Variants in DRC8 observed in about 807,000 individuals in gnomAD.
DRC8 encodes dynein regulatory complex subunit 8, also known as dynein regulatory complex protein 8.
chr1:245,067,261 G>A, the DRC8 span, among the ~76,000 whole-genome samples: 3 of 152,180 alleles, frequency 2.0e-5, no homozygotes, highest in African/African-American at 7.2e-5. Context: ...TGAGTAGCTG[G>A]GATTACAGGT....
chr1:245,023,665 T>A, the DRC8 span, among the ~76,000 whole-genome samples: 1 of 152,214 alleles, frequency 6.6e-6, no homozygotes, highest in African/African-American at 2.4e-5. Flanking sequence ...ATTAGTAATA[T>A]TGAACATCTT....
At chr1:245,105,000 T>C in the DRC8 span, among the ~76,000 whole-genome samples, 1 of 152,260 alleles carries the variant, frequency 6.6e-6, no homozygotes, top group African/African-American at 2.4e-5. Context: ...TCCTGTAGAA[T>C]TGTCCGCACG....
At chr1:245,062,930 G>C in the DRC8 span, among the ~76,000 whole-genome samples, 2 of 152,156 alleles carry the variant, frequency 1.3e-5, no homozygotes, top group African/African-American at 4.8e-5. Flanking sequence ...AGGAGAGCTG[G>C]CTAGCAAATC....
At chr1:245,119,662 G>A in the DRC8 span, among the ~76,000 whole-genome samples, 2 of 148,986 alleles carry the variant, frequency 1.3e-5, no homozygotes, top group African/African-American at 2.5e-5. Flanking sequence ...GGCTGGGCAC[G>A]GTGGCTCACG....
chr1:245,074,449 C>A, the DRC8 span, among the ~76,000 whole-genome samples: 1,129 of 152,166 alleles, frequency 7.4e-3, 18 homozygotes, highest in African/African-American at 0.026. Context: ...AGCTGGTGCT[C>A]CTGAAGCCCC....
At chr1:245,087,829 T>C in the DRC8 span, 2 of 809,148 alleles carry the variant, frequency 2.5e-6, no homozygotes, top group Non-Finnish European at 3.0e-6. Flanking sequence ...AAAATAAATA[T>C]TACTAATTTA....
the DRC8 span, among the ~76,000 whole-genome samples, chr1:245,069,352 A>G: frequency 2.6e-5 from 4 of 152,172 alleles, no homozygotes; most frequent in Admixed American, 2.6e-4. Context: ...ACTATCCAAC[A>G]AGTGGAAGTG....
the DRC8 span, among the ~76,000 whole-genome samples, chr1:245,110,531 G>C: frequency 1.3e-5 from 2 of 152,260 alleles, no homozygotes; most frequent in African/African-American, 4.8e-5. Flanking sequence ...GGCATATTCT[G>C]CTGGGCAGGA....
chr1:245,015,420 T>C, the DRC8 span, among the ~76,000 whole-genome samples: 2 of 152,112 alleles, frequency 1.3e-5, no homozygotes, highest in South Asian at 2.1e-4. Flanking sequence ...TTAGAATATA[T>C]CCAGAATCTG....
chr1:245,050,842 T>C, the DRC8 span, among the ~76,000 whole-genome samples: 2 of 152,168 alleles, frequency 1.3e-5, no homozygotes, highest in African/African-American at 2.4e-5. Context: ...TTTGTCCAGA[T>C]CTAAGATTCT....
chr1:244,998,329 C>T, the DRC8 span, among the ~76,000 whole-genome samples: 1 of 152,182 alleles, frequency 6.6e-6, no homozygotes, highest in Non-Finnish European at 1.5e-5. Context: ...CCACCTCAGC[C>T]TCCTGAGTAG....
At chr1:245,117,117 A>G in the DRC8 span, among the ~76,000 whole-genome samples, 1 of 152,088 alleles carries the variant, frequency 6.6e-6, no homozygotes, top group South Asian at 2.1e-4. Flanking sequence ...CAGTGGTACA[A>G]TCTCTGCTCA....
At chr1:245,000,501 G>A in the DRC8 span, among the ~76,000 whole-genome samples, 137 of 152,090 alleles carry the variant, frequency 9.0e-4, no homozygotes, top group South Asian at 0.012. Context: ...GTCTTCAGTG[G>A]CCAGGCACGG....
chr1:245,109,731 A>G, the DRC8 span, among the ~76,000 whole-genome samples: 2 of 152,192 alleles, frequency 1.3e-5, no homozygotes, highest in Non-Finnish European at 1.5e-5. Context: ...GGTTATCTCA[A>G]TGCCTCTGGC....
chr1:245,055,422 C>T, the DRC8 span, among the ~76,000 whole-genome samples: 4 of 152,140 alleles, frequency 2.6e-5, no homozygotes, highest in African/African-American at 7.2e-5. Context: ...TCGGCTCAAC[C>T]GATCCTGCCA....
the DRC8 span, among the ~76,000 whole-genome samples, chr1:244,998,406 G>T: frequency 7.2e-5 from 11 of 152,022 alleles, no homozygotes; most frequent in Admixed American, 2.6e-4. Context: ...TAGAGATGAG[G>T]TCTTGCTATG....
chr1:245,021,697 A>G, the DRC8 span, among the ~76,000 whole-genome samples: 1 of 152,072 alleles, frequency 6.6e-6, no homozygotes, highest in African/African-American at 2.4e-5. Flanking sequence ...CAGCCTCCCA[A>G]AGTGCTGGGA....
chr1:245,087,066 A>T, the DRC8 span: 1 of 877,900 alleles, frequency 1.1e-6, no homozygotes, highest in Non-Finnish European at 1.7e-6. Context: ...ACCAGGGTGT[A>T]CAATAGCCTT....
chr1:245,006,849 G>A, the DRC8 span, among the ~76,000 whole-genome samples: 3 of 151,980 alleles, frequency 2.0e-5, no homozygotes, highest in Admixed American at 2.0e-4. Flanking sequence ...TGGGAGGATC[G>A]CTTGAACCCA....
Sources: allele counts gnomAD v4.1 joint callset (sites outside exome capture counted in the v4.1 genomes callset), GRCh38; gene constraint gnomAD v4.1.1; transcripts MANE v1.5; gene names NCBI Gene and HGNC (gene_info 2026-07-23, HGNC 2026-07-21).